Variants in PPP3CC observed in about 807,000 individuals in gnomAD.
The protein encoded by PPP3CC is serine/threonine-protein phosphatase 2B catalytic subunit gamma isoform.
A neutral mutation model predicts 60.3 loss-of-function variants in PPP3CC; 35 were observed. The observed-to-expected ratio is 0.58, with a 90% confidence interval of 0.44 to 0.77. The LOEUF is 0.77. PPP3CC is among the 30% of genes least tolerant of loss of function. The pLI is 0.00. For synonymous variants in PPP3CC, 206 were observed against 224.3 expected (o/e 0.92, Z 0.73); for missense variants, 570 against 628.9 (o/e 0.91, Z 1.00).
intron 4 of PPP3CC, among the ~76,000 whole-genome samples, chr8:22,510,611 A>G (rs1053959905): frequency 2.0e-5 from 3 of 152,198 alleles, no homozygotes; most frequent in African/African-American, 7.2e-5. Context: ...GCAGTCCAGC[A>G]GCTTTCCATC....
intron 3 of PPP3CC, among the ~76,000 whole-genome samples, chr8:22,488,814 A>G (rs1007520018): frequency 6.6e-6 from 1 of 152,216 alleles, no homozygotes; most frequent in Non-Finnish European, 1.5e-5. Flanking sequence ...GATCAGGGGA[A>G]CTACATTCCA....
chr8:22,534,932 G>A (rs1586875155), intron 12 of PPP3CC, among the ~76,000 whole-genome samples: 1 of 152,278 alleles, frequency 6.6e-6, no homozygotes, highest in Admixed American at 6.5e-5. Context: ...TGATAATAAA[G>A]TCAGAATGTC....
rs112432280 is a variant in PPP3CC at position 22,507,887 on chromosome 8, A to G, written c.485-3199A>G. ...AGTTCCAGACTCCATTCTCTTCACC[A>G]CCATGCCATGCCAAATGCTTAACTC... On this transcript the variant is annotated intron_variant, in intron 4 of 13. Coordinates refer to ENST00000240139, the MANE Select transcript of PPP3CC (RefSeq NM_005605.5). Among the ~76,000 whole-genome samples, 690 of 152,206 alleles carry G rather than the reference A, an allele frequency of 4.5e-3. 7 individuals are homozygous for G. Among genetic ancestry groups the G allele is most frequent in the African/African-American group, 0.015 (628 of 41,508 alleles).
intron 1 of PPP3CC, among the ~76,000 whole-genome samples, chr8:22,464,535 A>G (rs930466745): frequency 2.0e-5 from 3 of 152,088 alleles, no homozygotes; most frequent in African/African-American, 7.2e-5. Flanking sequence ...GTGCACCACC[A>G]CACTCAACTA....
At chr8:22,516,446 A>C (rs530969819) in intron 6 of PPP3CC, among the ~76,000 whole-genome samples, 1 of 152,224 alleles carries the variant, frequency 6.6e-6, no homozygotes, top group Non-Finnish European at 1.5e-5. Flanking sequence ...CAGAAATTCT[A>C]CTTCTAAAAC....
At chr8:22,492,035 G>A (rs1166029778) in intron 3 of PPP3CC, among the ~76,000 whole-genome samples, 2 of 152,016 alleles carry the variant, frequency 1.3e-5, no homozygotes, top group African/African-American at 4.8e-5. Context: ...AATGGGTGCC[G>A]ATTTTGCTGT....
chr8:22,446,308 A>C (rs1836820055), intron 1 of PPP3CC, among the ~76,000 whole-genome samples: 1 of 152,176 alleles, frequency 6.6e-6, no homozygotes, highest in Non-Finnish European at 1.5e-5. Flanking sequence ...AACAGTGGGG[A>C]AAATATGACA....
chr8:22,450,462 A>G (rs562871963), intron 1 of PPP3CC, among the ~76,000 whole-genome samples: 1 of 152,158 alleles, frequency 6.6e-6, no homozygotes, highest in Admixed American at 6.5e-5. Context: ...ATCAGGCCAG[A>G]CTCTTTCTTC....
intron 2 of PPP3CC, 21 bp from the exon 3 acceptor site, chr8:22,475,479 A>G: frequency 6.3e-7 from 1 of 1,599,734 alleles, no homozygotes; most frequent in Non-Finnish European, 8.5e-7. Flanking sequence ...TTCTCACATC[A>G]CTTTATGCTT....
intron 1 of PPP3CC, among the ~76,000 whole-genome samples, chr8:22,453,481 A>G (rs998931318): frequency 6.6e-6 from 1 of 152,158 alleles, no homozygotes; most frequent in African/African-American, 2.4e-5. Flanking sequence ...ACATATACCA[A>G]AATCCCTGAA....
intron 6 of PPP3CC, among the ~76,000 whole-genome samples, chr8:22,519,871 G>T (rs1839357859): frequency 6.6e-6 from 1 of 152,142 alleles, no homozygotes; most frequent in African/African-American, 2.4e-5. Flanking sequence ...GGCCAGGCTG[G>T]TCTCTAACTC....
At chr8:22,539,173 T>C (rs1839906501) in intron 12 of PPP3CC, among the ~76,000 whole-genome samples, 1 of 152,236 alleles carries the variant, frequency 6.6e-6, no homozygotes, top group Admixed American at 6.5e-5. Context: ...GTTGTTTCGA[T>C]ACGTGGATAT....
chr8:22,514,940 A>G (rs1360242234), intron 6 of PPP3CC, among the ~76,000 whole-genome samples: 1 of 152,120 alleles, frequency 6.6e-6, no homozygotes, highest in African/African-American at 2.4e-5. Context: ...AGCCTCCCAA[A>G]GTGCTGGGAT....
At chr8:22,533,188 C>G (rs1343029099) in intron 12 of PPP3CC, among the ~76,000 whole-genome samples, 170 bp downstream of exon 12, 1 of 152,152 alleles carries the variant, frequency 6.6e-6, no homozygotes, top group Non-Finnish European at 1.5e-5. Context: ...AAACCTAAAT[C>G]AGAATGGCTT....
rs372477455 is a variant in PPP3CC, at chr8:22,463,390, C to G, written c.50-11564C>G. Among the ~76,000 whole-genome samples, 16 of 152,314 alleles carry G rather than the reference C, an allele frequency of 1.1e-4. No homozygotes were observed. The South Asian group carries it at 2.3e-3, about 22-fold the overall frequency. ...AATGGGTGCATGATACAAACATTTACAAAAGTTCTTTTGATAAGTCTTCCA... is the reference window on the plus strand; with the variant it reads ...AATGGGTGCATGATACAAACATTTAGAAAAGTTCTTTTGATAAGTCTTCCA... On this transcript the variant is annotated intron_variant, in intron 1 of 13. Transcript: ENST00000240139.
chr8:22,449,552 G>T (rs1362665482), intron 1 of PPP3CC, among the ~76,000 whole-genome samples: 1 of 151,940 alleles, frequency 6.6e-6, no homozygotes, highest in Non-Finnish European at 1.5e-5. Context: ...TCTTAATGGG[G>T]GAAAGCTGAA....
chr8:22,456,850 G>A (rs891309534), intron 1 of PPP3CC, among the ~76,000 whole-genome samples: 7 of 152,162 alleles, frequency 4.6e-5, no homozygotes, highest in African/African-American at 1.2e-4. Context: ...TGATTTGGAA[G>A]CATTGTTAAA....
At chr8:22,539,328 C>G (rs1839910336) in intron 12 of PPP3CC, 141 bp from the exon 13 acceptor site, 2 of 678,558 alleles carry the variant, frequency 2.9e-6, no homozygotes, top group East Asian at 2.8e-5. Context: ...TCTCGCTTCT[C>G]TAACTAGTTG....
intron 8 of PPP3CC, among the ~76,000 whole-genome samples, chr8:22,526,808 T>C (rs1402839296): frequency 1.3e-5 from 2 of 152,344 alleles, no homozygotes; most frequent in African/African-American, 4.8e-5. Flanking sequence ...CACTGCTGTG[T>C]ATTGGAGAAA....
Sources: allele counts gnomAD v4.1 joint callset (sites outside exome capture counted in the v4.1 genomes callset), GRCh38; gene constraint gnomAD v4.1.1; transcripts MANE v1.5; gene names NCBI Gene and HGNC (gene_info 2026-07-23, HGNC 2026-07-21).